Variants in SPAG16 observed in about 807,000 individuals in gnomAD.
The protein encoded by SPAG16 is sperm associated antigen 16, also known as sperm-associated antigen 16 protein.
A neutral mutation model predicts 80.4 loss-of-function variants in SPAG16; 86 were observed. That is an observed-to-expected ratio of 1.07 (90% CI 0.90 to 1.28). SPAG16 has a LOEUF of 1.28. SPAG16 is among the 50% of genes most tolerant of loss of function. The probability of loss-of-function intolerance (pLI) is 0.00; values close to 1 mark genes in which losing one functional copy is unlikely to be tolerated. For synonymous variants in SPAG16, 294 were observed against 265.9 expected (o/e 1.11, Z -1.03); for missense variants, 870 against 765.3 (o/e 1.14, Z -1.61).
chr2:213,901,711 T>C (rs2077227937), intron 11 of SPAG16, among the ~76,000 whole-genome samples: 1 of 152,112 alleles, frequency 6.6e-6, no homozygotes, highest in African/African-American at 2.4e-5. Context: ...AATTAAAAAA[T>C]ACAATAATCT....
At chr2:213,821,080 G>A (rs779758483) in intron 10 of SPAG16, among the ~76,000 whole-genome samples, 7 of 151,934 alleles carry the variant, frequency 4.6e-5, no homozygotes, top group East Asian at 1.9e-4. Flanking sequence ...TTGTTCTGCC[G>A]GCTATTTTCT....
chr2:214,154,498 AC>A (rs67537759), intron 15 of SPAG16, among the ~76,000 whole-genome samples: 53,731 of 118,478 alleles, frequency 0.45, 12,349 homozygotes, highest in Non-Finnish European at 0.53. Context: ...AAAGTATCAG[AC>A]CCCCCCCCCC....
chr2:213,947,954 C>T (rs1427726423), intron 12 of SPAG16, among the ~76,000 whole-genome samples: 1 of 151,906 alleles, frequency 6.6e-6, no homozygotes, highest in Admixed American at 6.6e-5. Flanking sequence ...TCTTATTTTT[C>T]CTCTTATCTA....
chr2:213,986,891 C>CAAAAAAAAAAAA (rs369965944), intron 12 of SPAG16, among the ~76,000 whole-genome samples: 5 of 57,648 alleles, frequency 8.7e-5, no homozygotes, highest in African/African-American at 1.6e-4. Flanking sequence ...TCTGGTATAG[C>CAAAAAAAAAAAA]AAAAAAAAAA....
At chr2:213,615,168 CAACA>C (rs1380655991) in intron 10 of SPAG16, among the ~76,000 whole-genome samples, 3 of 152,326 alleles carry the variant, frequency 2.0e-5, no homozygotes, top group African/African-American at 7.2e-5. Context: ...ATGATACAGA[CAACA>C]AACAGAGTTG....
At chr2:214,217,262 A>T (rs1469950316) in intron 15 of SPAG16, among the ~76,000 whole-genome samples, 3 of 152,254 alleles carry the variant, frequency 2.0e-5, no homozygotes, top group Non-Finnish European at 4.4e-5. Flanking sequence ...TGCTCTGCAT[A>T]CATTAGGCAG....
At chr2:214,124,526 G>A (rs1286526584) in intron 14 of SPAG16, among the ~76,000 whole-genome samples, 1 of 151,836 alleles carries the variant, frequency 6.6e-6, no homozygotes, top group Non-Finnish European at 1.5e-5. Context: ...ACATAACAGG[G>A]ATAATGTCTA....
intron 12 of SPAG16, among the ~76,000 whole-genome samples, chr2:213,944,589 C>T (rs2079359288): frequency 6.6e-6 from 1 of 152,086 alleles, no homozygotes; most frequent in South Asian, 2.1e-4. Context: ...AGGCTTTGAA[C>T]TTTAGATTTG....
chr2:214,000,843 T>C (rs1428468496), intron 12 of SPAG16, among the ~76,000 whole-genome samples: 1 of 152,146 alleles, frequency 6.6e-6, no homozygotes, highest in African/African-American at 2.4e-5. Context: ...ATTTTTTTTT[T>C]CTCTGACAAT....
chr2:214,128,919 C>T (rs1018567473), intron 14 of SPAG16, among the ~76,000 whole-genome samples: 3 of 151,726 alleles, frequency 2.0e-5, no homozygotes, highest in Non-Finnish European at 2.9e-5. Context: ...GCTACTAAAG[C>T]GGGGAAGTAC....
At chr2:214,215,470 A>G (rs562355624) in intron 15 of SPAG16, among the ~76,000 whole-genome samples, 1 of 152,154 alleles carries the variant, frequency 6.6e-6, no homozygotes, top group South Asian at 2.1e-4. Flanking sequence ...AAGCTTGTAG[A>G]CCTTATGGTC....
rs185565837 is a variant in SPAG16, at chr2:214,291,496, G to A, written c.1721-118644G>A. 4.7e-3 allele frequency among the ~76,000 whole-genome samples: 709 copies of A among 150,768 alleles called. 8 individuals are homozygous for A. Among genetic ancestry groups the A allele is most frequent in the African/African-American group, 0.016 (663 of 41,118 alleles). On this transcript the variant is annotated intron_variant, in intron 15 of 15. Coordinates refer to ENST00000331683, the MANE Select transcript of SPAG16 (RefSeq NM_024532.5). ...AATTTTTTGTATTTTTAGTAGAGAC[G>A]GGGTTTCACCGTTTTAGCCGGGATG... is the stretch of plus-strand genomic sequence containing the variant.
At chr2:214,152,892 T>TACTTTCACTAATTG (rs1411545404) in intron 15 of SPAG16, among the ~76,000 whole-genome samples, 1 of 152,058 alleles carries the variant, frequency 6.6e-6, no homozygotes, top group East Asian at 1.9e-4. Flanking sequence ...AGACTTTTAG[T>TACTTTCACTAATTG]ACTTTCACTA....
intron 13 of SPAG16, among the ~76,000 whole-genome samples, chr2:214,099,492 ACT>A (rs1289656640): frequency 6.6e-6 from 1 of 152,036 alleles, no homozygotes; most frequent in Non-Finnish European, 1.5e-5. Flanking sequence ...TGAGTTTTAA[ACT>A]CTGCAACTTC....
chr2:213,807,729 T>C (rs1434349604), intron 10 of SPAG16, among the ~76,000 whole-genome samples: 1 of 152,194 alleles, frequency 6.6e-6, no homozygotes, highest in Non-Finnish European at 1.5e-5. Flanking sequence ...AGGGCAGTAA[T>C]AACTATATAG....
chr2:213,582,955 T>C (rs531850587), intron 10 of SPAG16, among the ~76,000 whole-genome samples: 6 of 152,276 alleles, frequency 3.9e-5, no homozygotes, highest in African/African-American at 1.4e-4. Context: ...ATAACACAAA[T>C]GTAAAAATGA....
chr2:214,039,676 C>T (rs1408550306), intron 13 of SPAG16, among the ~76,000 whole-genome samples: 2 of 152,202 alleles, frequency 1.3e-5, no homozygotes, highest in Admixed American at 1.3e-4. Context: ...TGACTGACCA[C>T]TTAACTGGCT....
chr2:214,268,448 AC>A (rs1363927454), intron 15 of SPAG16, among the ~76,000 whole-genome samples: 4 of 151,968 alleles, frequency 2.6e-5, no homozygotes, highest in African/African-American at 7.2e-5. Context: ...ATATATTTAC[AC>A]AATAGAATAC....
intron 12 of SPAG16, among the ~76,000 whole-genome samples, chr2:213,935,432 C>T (rs1330119296): frequency 6.6e-6 from 1 of 152,120 alleles, no homozygotes; most frequent in Non-Finnish European, 1.5e-5. Context: ...TAATAGATGG[C>T]TAGTCTACTC....
Sources: gnomAD v4.1 joint callset for allele counts (sites outside exome capture counted in the v4.1 genomes callset) on GRCh38, gnomAD v4.1.1 for gene constraint, MANE v1.5 for transcripts, NCBI Gene and HGNC (gene_info 2026-07-23, HGNC 2026-07-21) for gene names.